Variants in SASH1 observed in about 807,000 individuals in gnomAD.
SASH1 encodes the protein SAM and SH3 domain containing 1.
SASH1 carries 44 observed loss-of-function variants against 125.2 expected under a neutral mutation model. The observed-to-expected ratio is 0.35, with a 90% confidence interval of 0.28 to 0.45. The LOEUF (loss-of-function observed/expected upper bound fraction) is 0.45. Among genes scored for constraint, SASH1 ranks in the 20% least tolerant of loss-of-function variants. The pLI, the probability that SASH1 is intolerant of heterozygous loss-of-function variation, is 1.00. For missense variants in SASH1, 1,426 were observed against 1,614.5 expected (o/e 0.88, Z 2.00); for synonymous variants, 639 against 649.1 (o/e 0.98, Z 0.24).
At position 148,532,688 on chromosome 6, in the gene SASH1, T is replaced by A; in HGVS notation, c.1565-109T>A. 1 of 1,326,628 alleles carries A rather than the reference T, an allele frequency of 7.5e-7. No homozygotes were observed. The highest frequency in any genetic ancestry group is 2.3e-5 in the East Asian group (1 of 43,254). The allele number at this position is 1,326,628 out of a possible 1,614,324, so 82.2% of individuals were successfully genotyped here. A position where few individuals can be genotyped will look rare whatever the true frequency, so the allele number is the denominator to read the frequency against. On this transcript the variant is annotated intron_variant, in intron 13 of 19. Transcript: ENST00000367467. The surrounding 1 kb of genome is among the most constrained non-coding windows in gnomAD (Gnocchi z 4.7). ...TGACAGAGGGTTGTGGCTCAAGGCTTCCTTTCTCTGGGCCTTCATTTCCTA... is the reference window on the plus strand; with the variant it reads ...TGACAGAGGGTTGTGGCTCAAGGCTACCTTTCTCTGGGCCTTCATTTCCTA...
chr6:148,382,534 C>T (rs188786734), intron 1 of SASH1, among the ~76,000 whole-genome samples: 1 of 152,192 alleles, frequency 6.6e-6, no homozygotes, highest in Non-Finnish European at 1.5e-5. Flanking sequence ...AGGTGATCCA[C>T]CTGCCTTGGC....
At chr6:148,386,127 C>T (rs1279307463) in intron 1 of SASH1, among the ~76,000 whole-genome samples, 1 of 152,172 alleles carries the variant, frequency 6.6e-6, no homozygotes, top group Non-Finnish European at 1.5e-5. Flanking sequence ...CACTGCAGAA[C>T]TTGCTGCTTC....
the SASH1 span, among the ~76,000 whole-genome samples, chr6:148,219,651 C>CA: frequency 4.6e-5 from 7 of 152,250 alleles, no homozygotes; most frequent in Admixed American, 3.3e-4. Flanking sequence ...CCTTCTGGGG[C>CA]AAAAAATTGG....
intron 1 of SASH1, among the ~76,000 whole-genome samples, chr6:148,349,698 G>A (rs970410648): frequency 6.6e-6 from 1 of 152,146 alleles, no homozygotes; most frequent in African/African-American, 2.4e-5. Flanking sequence ...CTGTCCTCTG[G>A]CTGCCTGAGG....
the SASH1 span, among the ~76,000 whole-genome samples, chr6:148,221,454 T>G: frequency 1.3e-5 from 2 of 152,242 alleles, no homozygotes; most frequent in African/African-American, 4.8e-5. Flanking sequence ...CGTAACAGAC[T>G]GAGACTACAA....
chr6:148,462,121 A>T (rs1368767498), intron 4 of SASH1, among the ~76,000 whole-genome samples: 2 of 152,124 alleles, frequency 1.3e-5, no homozygotes, highest in African/African-American at 4.8e-5. Flanking sequence ...ACCCAGACAC[A>T]GCAAAAGACC....
intron 4 of SASH1, among the ~76,000 whole-genome samples, chr6:148,456,749 C>T (rs902520683): frequency 4.6e-5 from 7 of 151,716 alleles, no homozygotes; most frequent in Admixed American, 1.3e-4. Flanking sequence ...GTAGTCCCAG[C>T]TATTTGGGGG....
chr6:148,249,410 C>T, the SASH1 span, among the ~76,000 whole-genome samples: 63 of 152,128 alleles, frequency 4.1e-4, 1 homozygote, highest in East Asian at 9.7e-3. Context: ...TGGGAAGTGG[C>T]ATTTCAGAGC....
chr6:148,534,764 C>T lies in SASH1; in HGVS notation c.1958C>T (p.Thr653Ile). ...DRINLKEHMP[T>I]FLFNGYEDLD... ...TCCCTCTCACAGGAGCACATGCCCACTTTCCTGTTCAATGGATATGAAGAT... is the reference window on the plus strand; with the variant it reads ...TCCCTCTCACAGGAGCACATGCCCATTTTCCTGTTCAATGGATATGAAGAT... The change falls in exon 16 of 20, where the codon ACT (threonine) becomes ATT (isoleucine). Residue 653 changes from threonine to isoleucine, a missense_variant. By Grantham distance (89) the Thr-to-Ile change is moderately conservative. Around this residue, in one of 3 missense-constraint regions of SASH1, gnomAD observed 225 missense variants for 344.5 expected, o/e 0.65. Transcript: ENST00000367467. 2 of 1,614,230 alleles carry T rather than the reference C, an allele frequency of 1.2e-6. No homozygotes were observed. The highest frequency in any genetic ancestry group is 1.7e-6 in the Non-Finnish European group (2 of 1,180,044).
At chr6:148,419,898 AC>A (rs1784984321) in intron 2 of SASH1, among the ~76,000 whole-genome samples, 1 of 152,214 alleles carries the variant, frequency 6.6e-6, no homozygotes, top group Admixed American at 6.5e-5. Context: ...ACAAGAAAAT[AC>A]TTTAATTCTT....
chr6:148,493,512 C>T (rs549639508), intron 8 of SASH1, among the ~76,000 whole-genome samples: 7 of 152,186 alleles, frequency 4.6e-5, no homozygotes, highest in Non-Finnish European at 1.0e-4. Flanking sequence ...AGCCCACTGG[C>T]TCGAATCAGG....
the SASH1 span, among the ~76,000 whole-genome samples, chr6:148,234,981 G>A: frequency 1.3e-5 from 2 of 152,176 alleles, no homozygotes; most frequent in Non-Finnish European, 2.9e-5. Context: ...TCGGTCCCAG[G>A]TGAAGTAGAA....
At chr6:148,415,009 A>G (rs923761802) in intron 2 of SASH1, among the ~76,000 whole-genome samples, 1 of 152,204 alleles carries the variant, frequency 6.6e-6, no homozygotes, top group Admixed American at 6.5e-5. Context: ...GAATATTTTT[A>G]AAGTGCCAAG....
intron 8 of SASH1, chr6:148,513,517 T>C: frequency 1.0e-6 from 1 of 985,454 alleles, no homozygotes; most frequent in Non-Finnish European, 1.2e-6. Context: ...AAGGGAAGGA[T>C]TGTTTTTAGC....
At chr6:148,438,688 G>GTACT (rs1292688377) in intron 2 of SASH1, among the ~76,000 whole-genome samples, 1 of 129,606 alleles carries the variant, frequency 7.7e-6, no homozygotes, top group Non-Finnish European at 1.6e-5. Context: ...ATTCTCAGAT[G>GTACT]TACTCATCCC....
chr6:148,421,274 A>T (rs952602918), intron 2 of SASH1, among the ~76,000 whole-genome samples: 1 of 152,020 alleles, frequency 6.6e-6, no homozygotes, highest in Non-Finnish European at 1.5e-5. Context: ...TTACCTTAAG[A>T]GTTCACTGTC....
intron 4 of SASH1, among the ~76,000 whole-genome samples, chr6:148,456,992 A>G (rs1401665015): frequency 6.6e-6 from 1 of 151,114 alleles, no homozygotes; most frequent in African/African-American, 2.4e-5. Context: ...TTTTGTGGTG[A>G]AAACAATGTG....
At chr6:148,244,587 C>A in the SASH1 span, among the ~76,000 whole-genome samples, 1 of 152,132 alleles carries the variant, frequency 6.6e-6, no homozygotes, top group Non-Finnish European at 1.5e-5. Context: ...GGAAGGTACA[C>A]ATTGTAGGCC....
At chr6:148,484,128 C>T (rs900729899) in intron 7 of SASH1, among the ~76,000 whole-genome samples, 1 of 152,060 alleles carries the variant, frequency 6.6e-6, no homozygotes, top group Non-Finnish European at 1.5e-5. Flanking sequence ...GAGTGGATTT[C>T]GGTTTAATAT....
Sources: allele counts gnomAD v4.1 joint callset (sites outside exome capture counted in the v4.1 genomes callset), GRCh38; gene constraint gnomAD v4.1.1; regional missense constraint gnomAD v4.1.1; non-coding constraint Gnocchi (gnomAD v3.1); transcripts MANE v1.5; gene names NCBI Gene and HGNC (gene_info 2026-07-23, HGNC 2026-07-21).